The following ENTREP2 variants were observed in gnomAD, a reference collection of about 807,000 sequenced individuals.
ENTREP2 encodes protein ENTREP2.
the ENTREP2 span, among the ~76,000 whole-genome samples, chr15:29,316,072 A>G: frequency 6.6e-6 from 1 of 152,250 alleles, no homozygotes; most frequent in South Asian, 2.1e-4. Flanking sequence ...AAAACACTTT[A>G]CTGCATAGAT....
the ENTREP2 span, among the ~76,000 whole-genome samples, chr15:29,471,251 C>G: frequency 6.6e-6 from 1 of 152,180 alleles, no homozygotes; most frequent in Non-Finnish European, 1.5e-5. Context: ...AGAAAAGGCT[C>G]CATCACTAAG....
At chr15:29,484,625 G>A in the ENTREP2 span, among the ~76,000 whole-genome samples, 201 of 152,152 alleles carry the variant, frequency 1.3e-3, 2 homozygotes, top group African/African-American at 4.6e-3. Context: ...AGAAAAAAGG[G>A]ATTATAATAT....
At chr15:29,600,380 T>C in the ENTREP2 span, among the ~76,000 whole-genome samples, 5 of 152,218 alleles carry the variant, frequency 3.3e-5, no homozygotes, top group African/African-American at 1.2e-4. Context: ...GAATGCCACT[T>C]TTCTTTCACT....
chr15:29,457,074 A>T, the ENTREP2 span, among the ~76,000 whole-genome samples: 1 of 152,190 alleles, frequency 6.6e-6, no homozygotes, highest in African/African-American at 2.4e-5. Context: ...TCTGTGACAT[A>T]TGCAGCATTC....
At chr15:29,417,040 G>A in the ENTREP2 span, among the ~76,000 whole-genome samples, 2 of 152,208 alleles carry the variant, frequency 1.3e-5, no homozygotes, top group South Asian at 2.1e-4. Flanking sequence ...CTCTTTCACT[G>A]TTAGTGGGAC....
chr15:29,199,514 G>A, the ENTREP2 span, among the ~76,000 whole-genome samples: 806 of 152,306 alleles, frequency 5.3e-3, 8 homozygotes, highest in African/African-American at 0.018. Context: ...CGCTTGATGG[G>A]TAGGACTGTA....
chr15:29,159,908 C>T, the ENTREP2 span, among the ~76,000 whole-genome samples: 6 of 152,388 alleles, frequency 3.9e-5, no homozygotes, highest in South Asian at 4.1e-4. Context: ...CTGCCAGTAC[C>T]GCGCTGTGCG....
chr15:29,551,170 G>T, the ENTREP2 span, among the ~76,000 whole-genome samples: 1 of 152,144 alleles, frequency 6.6e-6, no homozygotes, highest in Non-Finnish European at 1.5e-5. Context: ...CTGAAATGTA[G>T]AGGCAAAAGC....
the ENTREP2 span, among the ~76,000 whole-genome samples, chr15:29,606,208 C>T: frequency 1.3e-5 from 2 of 151,388 alleles, no homozygotes; most frequent in Non-Finnish European, 2.9e-5. Flanking sequence ...GTCGAATTTC[C>T]CATGTCTGTC....
At chr15:29,128,794 G>A in the ENTREP2 span, 4 of 1,550,844 alleles carry the variant, frequency 2.6e-6, no homozygotes, top group Non-Finnish European at 3.5e-6. Context: ...CTTACCTGGA[G>A]TGCTGAAGCC....
the ENTREP2 span, among the ~76,000 whole-genome samples, chr15:29,364,149 G>A: frequency 6.6e-6 from 1 of 152,164 alleles, no homozygotes; most frequent in Admixed American, 6.5e-5. Context: ...GCACCTAAAC[G>A]TATTTTACTA....
the ENTREP2 span, among the ~76,000 whole-genome samples, chr15:29,152,653 C>T: frequency 2.0e-5 from 3 of 152,326 alleles, no homozygotes; most frequent in Non-Finnish European, 4.4e-5. Context: ...GGATGTACCA[C>T]ATTGGTTTAA....
At chr15:29,388,700 A>G in the ENTREP2 span, among the ~76,000 whole-genome samples, 1 of 152,132 alleles carries the variant, frequency 6.6e-6, no homozygotes, top group Admixed American at 6.5e-5. Context: ...AATAGCAAAG[A>G]CTTGGAACTA....
At chr15:29,450,540 G>A in the ENTREP2 span, among the ~76,000 whole-genome samples, 2 of 152,172 alleles carry the variant, frequency 1.3e-5, no homozygotes, top group Non-Finnish European at 2.9e-5. Context: ...TTCAATCATT[G>A]TGGAAAGCAG....
chr15:29,152,167 A>T, the ENTREP2 span, among the ~76,000 whole-genome samples: 22,663 of 152,192 alleles, frequency 0.15, 3,117 homozygotes, highest in African/African-American at 0.36. Context: ...TTTTTATCAA[A>T]CACAACCTAT....
the ENTREP2 span, chr15:29,614,142 CCT>C: frequency 6.5e-6 from 1 of 153,348 alleles, no homozygotes; most frequent in Non-Finnish European, 1.5e-5. Context: ...CTCTCCATGG[CCT>C]CTCAGGGCAG....
At chr15:29,478,126 G>T in the ENTREP2 span, among the ~76,000 whole-genome samples, 1 of 144,180 alleles carries the variant, frequency 6.9e-6, no homozygotes, top group African/African-American at 2.6e-5. Context: ...CCGGGTTCAC[G>T]CCATTCTCCT....
At chr15:29,644,451 G>A in the ENTREP2 span, among the ~76,000 whole-genome samples, 2 of 152,214 alleles carry the variant, frequency 1.3e-5, no homozygotes, top group African/African-American at 4.8e-5. Context: ...ATCGAAAGGA[G>A]TCATATAGAG....
the ENTREP2 span, among the ~76,000 whole-genome samples, chr15:29,576,208 G>A: frequency 6.6e-6 from 1 of 152,174 alleles, no homozygotes; most frequent in Admixed American, 6.5e-5. Context: ...TTTAACAAGG[G>A]TGCCAAGTTC....
Sources: allele counts gnomAD v4.1 joint callset (sites outside exome capture counted in the v4.1 genomes callset), GRCh38; gene constraint gnomAD v4.1.1; transcripts MANE v1.5; gene names NCBI Gene and HGNC (gene_info 2026-07-23, HGNC 2026-07-21).